The following TMEM135 variants were observed in gnomAD, a reference collection of about 807,000 sequenced individuals.
TMEM135 encodes peroxisomal membrane protein 52.
A neutral mutation model predicts 60.3 loss-of-function variants in TMEM135; 30 were observed. That is an observed-to-expected ratio of 0.50 (90% CI 0.37 to 0.68). The LOEUF (loss-of-function observed/expected upper bound fraction) is 0.68, where lower values mean the gene tolerates loss of function less well. TMEM135 is among the 30% of genes least tolerant of loss of function. The pLI, the probability that TMEM135 is intolerant of heterozygous loss-of-function variation, is 0.00. For synonymous variants in TMEM135, 190 were observed against 186.7 expected (o/e 1.02, Z -0.14); for missense variants, 468 against 548.8 (o/e 0.85, Z 1.47).
intron 5 of TMEM135, among the ~76,000 whole-genome samples, chr11:87,177,711 A>G (rs1260914422): frequency 6.6e-6 from 1 of 152,024 alleles, no homozygotes; most frequent in Non-Finnish European, 1.5e-5. Flanking sequence ...GTATATTGTA[A>G]TACAGTTCTG....
At chr11:87,211,358 A>T (rs1351681149) in intron 5 of TMEM135, among the ~76,000 whole-genome samples, 1 of 152,214 alleles carries the variant, frequency 6.6e-6, no homozygotes, top group African/African-American at 2.4e-5. Flanking sequence ...CAGAGCTGTC[A>T]TTGTGAACTT....
intron 4 of TMEM135, among the ~76,000 whole-genome samples, chr11:87,128,089 C>T (rs950337710): frequency 3.9e-5 from 6 of 152,012 alleles, no homozygotes; most frequent in Admixed American, 2.6e-4. Flanking sequence ...AGTGGTTACA[C>T]GGATAATAGA....
At position 87,038,152 on chromosome 11, in the gene TMEM135, A is replaced by G; in HGVS notation, c.107A>G (p.Glu36Gly). The G allele has an allele frequency of 3.7e-6, 6 of 1,613,894 alleles. No homozygotes were observed. The highest frequency in any genetic ancestry group is 5.1e-6 in the Non-Finnish European group (6 of 1,179,978). The change falls in exon 1 of 15, where the codon GAG becomes GGG. Residue 36 changes from glutamate to glycine, a missense_variant. Coordinates refer to ENST00000305494, the MANE Select transcript of TMEM135 (RefSeq NM_022918.4). Reference sequence around the variant, plus strand: ...CTGCAGATCACCGGGGGCGCCCTGGAGGAGTCCCTGAAGATCTATGCTCCT... The same window carrying G: ...CTGCAGATCACCGGGGGCGCCCTGGGGGAGTCCCTGAAGATCTATGCTCCT... ...SFLQITGGAL[E>G]ESLKIYAPLY...
At chr11:87,138,385 C>T (rs1403790433) in intron 4 of TMEM135, among the ~76,000 whole-genome samples, 5 of 152,120 alleles carry the variant, frequency 3.3e-5, no homozygotes, top group Non-Finnish European at 7.3e-5. Flanking sequence ...GCCACTGCGC[C>T]CAGCTCCAAA....
intron 5 of TMEM135, among the ~76,000 whole-genome samples, chr11:87,194,932 CAT>C (rs140847483): frequency 6.6e-5 from 10 of 152,206 alleles, no homozygotes; most frequent in Non-Finnish European, 2.9e-5. Context: ...TAAAATGATG[CAT>C]ATATGTTACT....
intron 6 of TMEM135, among the ~76,000 whole-genome samples, chr11:87,290,953 A>G (rs1415114659): frequency 6.6e-6 from 1 of 152,234 alleles, no homozygotes; most frequent in African/African-American, 2.4e-5. Flanking sequence ...GAGACTTTAT[A>G]TTAGAAAAGA....
chr11:87,097,152 A>T (rs1410458625), intron 4 of TMEM135, among the ~76,000 whole-genome samples: 1 of 152,100 alleles, frequency 6.6e-6, no homozygotes, highest in South Asian at 2.1e-4. Flanking sequence ...GCACACTGCC[A>T]TGCCTGGCTA....
intron 1 of TMEM135, among the ~76,000 whole-genome samples, chr11:87,046,331 T>A (rs972625668): frequency 2.6e-5 from 4 of 152,030 alleles, no homozygotes; most frequent in African/African-American, 9.7e-5. Context: ...TTGCAGCGAG[T>A]GGAGATCTCA....
intron 4 of TMEM135, among the ~76,000 whole-genome samples, chr11:87,115,234 G>T (rs1438319549): frequency 6.6e-6 from 1 of 152,046 alleles, no homozygotes; most frequent in Non-Finnish European, 1.5e-5. Context: ...AAAAAACTAT[G>T]TCATAATGCT....
rs769712912 is a variant in TMEM135, at chr11:87,037,970, G to A, written c.-76G>A. 6.2e-7 allele frequency: 1 copy of A among 1,601,064 alleles called. No individual in the cohort carries two copies. The highest frequency in any genetic ancestry group is 8.5e-7 in the Non-Finnish European group (1 of 1,175,448). On this transcript the variant is annotated 5_prime_UTR_variant, in exon 1 of 15. Coordinates refer to ENST00000305494, the MANE Select transcript of TMEM135 (RefSeq NM_022918.4). ...CCGAGTGCTGGCCGGGCGAGAGGCTGGCGGCTGGGCTCTCGCGCCCCTCCC... is the reference window on the plus strand; with the variant it reads ...CCGAGTGCTGGCCGGGCGAGAGGCTAGCGGCTGGGCTCTCGCGCCCCTCCC...
chr11:87,314,935 CA>C (rs1228180910), intron 12 of TMEM135, among the ~76,000 whole-genome samples: 1 of 151,722 alleles, frequency 6.6e-6, no homozygotes, highest in Non-Finnish European at 1.5e-5. Context: ...AAGGCTTTTT[CA>C]AAACAAACAA....
intron 6 of TMEM135, among the ~76,000 whole-genome samples, chr11:87,278,861 C>G (rs911056262): frequency 1.3e-5 from 2 of 152,138 alleles, no homozygotes; most frequent in South Asian, 4.1e-4. Context: ...TCTCTCCTCT[C>G]ATCCCTGATA....
At chr11:87,084,712 A>G (rs1050056871) in intron 3 of TMEM135, among the ~76,000 whole-genome samples, 1 of 152,254 alleles carries the variant, frequency 6.6e-6, no homozygotes, top group Non-Finnish European at 1.5e-5. Flanking sequence ...AAATAAAAGA[A>G]GGGAACAATG....
chr11:87,219,971 A>G (rs941694810), intron 5 of TMEM135, among the ~76,000 whole-genome samples: 2 of 152,206 alleles, frequency 1.3e-5, no homozygotes, highest in Non-Finnish European at 2.9e-5. Flanking sequence ...TTGCTCAGAT[A>G]GGTCTCAATA....
chr11:87,282,462 A>G (rs1942078048), intron 6 of TMEM135, among the ~76,000 whole-genome samples: 1 of 152,084 alleles, frequency 6.6e-6, no homozygotes, highest in African/African-American at 2.4e-5. Flanking sequence ...AAGGGATTTC[A>G]CCATCTTGGC....
chr11:87,079,065 G>A (rs1856931161), intron 3 of TMEM135, among the ~76,000 whole-genome samples: 1 of 152,072 alleles, frequency 6.6e-6, no homozygotes, highest in African/African-American at 2.4e-5. Context: ...GAGTGCAGTG[G>A]CATGATCTTT....
chr11:87,181,803 T>C (rs1440170759), intron 5 of TMEM135, among the ~76,000 whole-genome samples: 1 of 152,138 alleles, frequency 6.6e-6, no homozygotes, highest in African/African-American at 2.4e-5. Flanking sequence ...CTCAGAACAC[T>C]TTGGTTCTAA....
In TMEM135 at chr11:87,208,930, A is replaced by C. The variant is rs149001230; in HGVS notation, c.463-27708A>C. On this transcript the variant is annotated intron_variant, in intron 5 of 14. Coordinates refer to ENST00000305494, the MANE Select transcript of TMEM135 (RefSeq NM_022918.4). ...TTATTTTCAATATCCTTAAATAAAT[A>C]AATTCCAACAATAATTTCATATCCC... 2.2e-3 allele frequency among the ~76,000 whole-genome samples: 340 copies of C among 152,304 alleles called. 1 individual carries two copies. Among genetic ancestry groups the C allele is most frequent in the Non-Finnish European group, 2.9e-3 (195 of 68,022 alleles).
In TMEM135 at chr11:87,245,270, C is replaced by A. The variant is rs553549134; in HGVS notation, c.509+8586C>A. ...TTTGCTGAGGAGAGCTTTACTTCCA[C>A]GTATGTGGTCAATTTTGGAATAGGT... On this transcript the variant is annotated intron_variant, in intron 6 of 14. Transcript: ENST00000305494. Among the ~76,000 whole-genome samples the A allele has an allele frequency of 6.5e-4, 98 of 149,900 alleles. No individual in the cohort carries two copies. In the East Asian group the frequency reaches 0.011, roughly 17 times the overall value.
Sources: gnomAD v4.1 joint callset for allele counts (sites outside exome capture counted in the v4.1 genomes callset) on GRCh38, gnomAD v4.1.1 for gene constraint, MANE v1.5 for transcripts, NCBI Gene and HGNC (gene_info 2026-07-23, HGNC 2026-07-21) for gene names.